The following SNU13 variants were observed in gnomAD, a reference collection of about 807,000 sequenced individuals.
SNU13 encodes small nuclear ribonucleoprotein 13.
Under a neutral mutation model 12.4 loss-of-function variants are expected in SNU13, and 2 were observed. The ratio of observed to expected loss-of-function variants is 0.16; its 90% CI spans 0.07 to 0.51. The LOEUF is 0.51. Ranked by LOEUF, SNU13 falls within the 20% of genes least tolerant of loss-of-function variation. The probability of loss-of-function intolerance (pLI) is 0.96; values close to 1 mark genes in which losing one functional copy is unlikely to be tolerated. For missense variants in SNU13, 66 were observed against 157.8 expected, an observed-to-expected ratio of 0.42 and a Z score of 3.12; for synonymous variants, 68 against 66.5, an observed-to-expected ratio of 1.02 and a Z score of -0.11.
At chr22:41,689,019 A>G (rs1259861484), upstream of SNU13, 2 of 1,316,790 alleles carry the variant, frequency 1.5e-6, no homozygotes, top group Admixed American at 6.3e-5. Context: ...CGTTCTTATG[A>G]GCTGCCTAGT....
intron 2 of SNU13, among the ~76,000 whole-genome samples, chr22:41,677,446 G>A (rs1310533626): frequency 6.6e-6 from 1 of 152,054 alleles, no homozygotes; most frequent in African/African-American, 2.4e-5. Flanking sequence ...GATCACCTAA[G>A]CCCAGGAGGT....
chr22:41,674,929 AG>A lies in SNU13; in HGVS notation c.*3del. Reference sequence around the variant, plus strand: ...GCAGGGAGCACGTGGCAGAGGCCACAGGTTTAGACTAAGAGCCTTTCAATGG... The same window carrying A: ...GCAGGGAGCACGTGGCAGAGGCCACAGTTTAGACTAAGAGCCTTTCAATGG... On this transcript the variant is annotated 3_prime_UTR_variant, in exon 3 of 3. Coordinates refer to ENST00000401959, the MANE Select transcript of SNU13 (RefSeq NM_001003796.2). 1 of 1,609,592 alleles carries A rather than the reference AG, an allele frequency of 6.2e-7. No individual in the cohort carries two copies. The highest frequency in any genetic ancestry group is 8.5e-7 in the Non-Finnish European group (1 of 1,176,854).
rs1415632202 is a variant in SNU13 at position 41,674,768 on chromosome 22, C to A, written c.*165G>T. The A allele has an allele frequency of 2.2e-6, 2 of 916,840 alleles. No individual in the cohort carries two copies. Among genetic ancestry groups the A allele is most frequent in the Non-Finnish European group, 1.6e-6 (1 of 621,582 alleles). The allele number at this position is 916,840 out of a possible 1,614,324, so 56.8% of individuals were successfully genotyped here. A position where few individuals can be genotyped will look rare whatever the true frequency, so the allele number is the denominator to read the frequency against. ...GGGAGGAAAGGAAGGGGGATAGCAA[C>A]CCTGTAAAACAGAACAAAAACAACA... is the stretch of plus-strand genomic sequence containing the variant. On this transcript the variant is annotated 3_prime_UTR_variant, in exon 3 of 3. Coordinates refer to ENST00000401959, the MANE Select transcript of SNU13 (RefSeq NM_001003796.2).
chr22:41,680,776 T>G (rs2068257145), intron 1 of SNU13, among the ~76,000 whole-genome samples: 1 of 152,168 alleles, frequency 6.6e-6, no homozygotes, highest in Non-Finnish European at 1.5e-5. Context: ...CTTACTGCAA[T>G]CTCTGCCTCC....
chr22:41,681,241 T>C (rs1379279801), intron 1 of SNU13: 1 of 152,232 alleles, frequency 6.6e-6, no homozygotes, highest in Non-Finnish European at 1.5e-5. Flanking sequence ...TCAAAATTTA[T>C]TTTTGTTCTT....
chr22:41,685,666 T>TA (rs1168654442), intron 1 of SNU13, among the ~76,000 whole-genome samples: 49 of 141,328 alleles, frequency 3.5e-4, no homozygotes, highest in Non-Finnish European at 5.8e-4. Flanking sequence ...CCTGGCTAAT[T>TA]AAAAAAAAAA....
At chr22:41,682,414 T>A in intron 1 of SNU13, 1 of 1,613,254 alleles carries the variant, frequency 6.2e-7, no homozygotes, top group Non-Finnish European at 8.5e-7. Context: ...CGCGTGTCGG[T>A]TTGGACGGTC....
chr22:41,682,393 C>T, intron 1 of SNU13: 18 of 1,613,966 alleles, frequency 1.1e-5, no homozygotes, highest in Non-Finnish European at 1.5e-5. Context: ...CCGGACACCG[C>T]GAGGATACCA....
intron 1 of SNU13, chr22:41,688,468 A>C: frequency 2.9e-6 from 1 of 342,598 alleles, no homozygotes; most frequent in Non-Finnish European, 5.2e-6. Context: ...TCTTCACCCA[A>C]CTTTTTGCCC....
rs1472375364 is a variant in SNU13 at position 41,675,136 on chromosome 22, G to T, written c.184C>A (p.Pro62Thr). 1 of 1,614,178 alleles carries T rather than the reference G, an allele frequency of 6.2e-7. No homozygotes were observed. ...EFIVMAADAE[P>T]LEIILHLPLL... ...GGCAGGTGCAGAATGATCTCCAGTG[G>T]CTCGGCGTCTGCAGCCATCACGATG... is the stretch of plus-strand genomic sequence containing the variant. The change falls in exon 3 of 3, where the codon CCA becomes ACA. Residue 62 changes from proline (P) to threonine (T), a missense_variant. Physicochemically the swap from Pro to Thr is conservative, Grantham distance 38. Transcript: ENST00000401959.
intron 2 of SNU13, among the ~76,000 whole-genome samples, chr22:41,675,580 T>C (rs132807): frequency 0.83 from 125,896 of 151,074 alleles, 53,332 homozygotes; most frequent in African/African-American, 0.96. Flanking sequence ...TGCCACTGTG[T>C]TTAGCTAATT....
intron 1 of SNU13, among the ~76,000 whole-genome samples, chr22:41,680,780 T>C (rs1039473322): frequency 3.9e-5 from 6 of 152,210 alleles, no homozygotes; most frequent in African/African-American, 1.4e-4. Context: ...CTGCAATCTC[T>C]GCCTCCCGAG....
intron 1 of SNU13, among the ~76,000 whole-genome samples, chr22:41,685,465 T>C (rs1038175445): frequency 5.9e-5 from 9 of 152,074 alleles, no homozygotes; most frequent in Admixed American, 2.6e-4. Flanking sequence ...GCAATTCTCC[T>C]GCCTCAGCGT....
chr22:41,690,036 T>C (rs1016524418), upstream of SNU13, among the ~76,000 whole-genome samples: 1 of 152,092 alleles, frequency 6.6e-6, no homozygotes, highest in African/African-American at 2.4e-5. Context: ...TCATTATAAT[T>C]GGCTGACGTC....
chr22:41,674,832 AC>A lies in SNU13; in HGVS notation c.*100del. The A allele has an allele frequency of 2.1e-6, 3 of 1,461,508 alleles. No homozygotes were observed. The highest frequency in any genetic ancestry group is 2.8e-6 in the Non-Finnish European group (3 of 1,080,964). 90.5% of individuals were successfully genotyped at this position (1,461,508 alleles called of 1,614,324 possible). On this transcript the variant is annotated 3_prime_UTR_variant, in exon 3 of 3. Transcript: ENST00000401959. ...ACCAGATTTAGTACTACATTTTATA[AC>A]AATAGAGAGTAGCTGAAAATACTAC...
intron 1 of SNU13, among the ~76,000 whole-genome samples, chr22:41,686,304 C>CTTT (rs747241334): frequency 7.2e-6 from 1 of 138,558 alleles, no homozygotes; most frequent in Non-Finnish European, 1.6e-5. Flanking sequence ...ATTCTTTTAT[C>CTTT]TTTTTTTTTT....
Position 41,680,288 on chromosome 22 carries a change from T to C in SNU13, c.80A>G (p.Gln27Arg), listed in dbSNP as rs2068251140. ...AAGCTGCTTATAGTTACATGACTGC[T>C]GAACGAGGTCCAGTAGCTTCTTGGT... ...HLTKKLLDLV[Q>R]QSCNYKQLRK... The change falls in exon 2 of 3, where the codon CAG becomes CGG. Residue 27 changes from glutamine (Q) to arginine (R), a missense_variant. Transcript: ENST00000401959. 1.9e-6 allele frequency: 3 copies of C among 1,614,086 alleles called. No individual in the cohort carries two copies. Among genetic ancestry groups the C allele is most frequent in the Non-Finnish European group, 2.5e-6 (3 of 1,180,004 alleles).
intron 2 of SNU13, among the ~76,000 whole-genome samples, chr22:41,679,496 C>T (rs964725927): frequency 1.3e-5 from 2 of 151,928 alleles, no homozygotes; most frequent in African/African-American, 2.4e-5. Flanking sequence ...GCGGAGGTTG[C>T]AGTAAGCTGA....
intron 1 of SNU13, chr22:41,687,889 T>C (rs775992084): frequency 3.3e-5 from 5 of 152,204 alleles, no homozygotes; most frequent in Non-Finnish European, 7.3e-5. Context: ...AAGCGAGCAC[T>C]GAGTTTGGAA....
Sources: gnomAD v4.1 joint callset for allele counts (sites outside exome capture counted in the v4.1 genomes callset) on GRCh38, gnomAD v4.1.1 for gene constraint, MANE v1.5 for transcripts, NCBI Gene and HGNC (gene_info 2026-07-23, HGNC 2026-07-21) for gene names.